Variants in CASD1 observed in about 807,000 individuals in gnomAD.
CASD1 encodes the protein N-acetylneuraminate (7)9-O-acetyltransferase.
Under a neutral mutation model 100.0 loss-of-function variants are expected in CASD1, and 41 were observed. The ratio of observed to expected loss-of-function variants is 0.41; its 90% CI spans 0.32 to 0.53. The LOEUF is 0.53. Ranked by LOEUF, CASD1 falls within the 20% of genes least tolerant of loss-of-function variation. The pLI is 0.25. For missense variants in CASD1, 774 were observed against 948.7 expected (o/e 0.82, Z 2.42); for synonymous variants, 321 against 315.6 (o/e 1.02, Z -0.18).
the CASD1 span, among the ~76,000 whole-genome samples, chr7:94,581,222 A>G: frequency 2.6e-5 from 4 of 152,204 alleles, no homozygotes; most frequent in Non-Finnish European, 5.9e-5. Context: ...ACATATCGTC[A>G]AGTCTCTTCC....
chr7:94,510,048 C>G lies in CASD1; in HGVS notation c.-37C>G. 1 of 1,474,956 alleles carries G rather than the reference C, an allele frequency of 6.8e-7. No individual in the cohort carries two copies. The highest frequency in any genetic ancestry group is 9.0e-7 in the Non-Finnish European group (1 of 1,105,108). 91.4% of individuals were successfully genotyped at this position (1,474,956 alleles called of 1,614,324 possible). On this transcript the variant is annotated 5_prime_UTR_variant, in exon 1 of 18. Transcript: ENST00000297273. ...GCTGCCCCTGTGCGGCGCCCCTTTC[C>G]CGCTCCGCCGCGCACTGTTGTCATG...
chr7:94,577,194 C>G, the CASD1 span, among the ~76,000 whole-genome samples: 1 of 152,106 alleles, frequency 6.6e-6, no homozygotes, highest in Non-Finnish European at 1.5e-5. Flanking sequence ...ATGGACCATG[C>G]TTTCTTGATT....
Position 94,510,050 on chromosome 7 carries a change from G to A in CASD1, c.-35G>A. 3 of 1,473,714 alleles carry A rather than the reference G, an allele frequency of 2.0e-6. No homozygotes were observed. The highest frequency in any genetic ancestry group is 1.3e-5 in the South Asian group (1 of 76,154). 91.3% of individuals were successfully genotyped at this position (1,473,714 alleles called of 1,614,324 possible). The stretch of plus-strand genomic sequence containing the variant: ...TGCCCCTGTGCGGCGCCCCTTTCCC[G>A]CTCCGCCGCGCACTGTTGTCATGGA... On this transcript the variant is annotated 5_prime_UTR_variant, in exon 1 of 18. Transcript: ENST00000297273.
At chr7:94,514,531 G>A (rs1457212859) in intron 1 of CASD1, among the ~76,000 whole-genome samples, 1 of 151,780 alleles carries the variant, frequency 6.6e-6, no homozygotes, top group Non-Finnish European at 1.5e-5. Context: ...CATAAGTTGG[G>A]GTTTATATGG....
At chr7:94,594,227 T>C in the CASD1 span, among the ~76,000 whole-genome samples, 1 of 152,140 alleles carries the variant, frequency 6.6e-6, no homozygotes, top group African/African-American at 2.4e-5. Context: ...ACAATGATTC[T>C]TTGGGCAAAG....
At position 94,547,123 on chromosome 7, in the gene CASD1, T is replaced by C; in HGVS notation, c.1661T>C (p.Leu554Pro). 1 of 1,594,744 alleles carries C rather than the reference T, an allele frequency of 6.3e-7. No homozygotes were observed. Among genetic ancestry groups the C allele is most frequent in the Non-Finnish European group, 8.5e-7 (1 of 1,170,050 alleles). Residue 554 changes from leucine (L) to proline (P), a missense_variant, in exon 13 of 18, where the codon CTG becomes CCG. Leu to Pro is a moderately conservative substitution (Grantham distance 98). This residue lies in a region of CASD1 where 453 missense variants were observed against 532.6 expected (regional missense o/e 0.85). Coordinates refer to ENST00000297273, the MANE Select transcript of CASD1 (RefSeq NM_022900.5). ...AATTGTTTCTGGCATTTTGGCTTAC[T>C]GTTGAAACTAGGCTTTTTGCTGTTA... ...NGNCFWHFGL[L>P]LKLGFLLLFI...
chr7:94,518,567 A>C (rs996800229), intron 3 of CASD1, among the ~76,000 whole-genome samples: 1 of 152,162 alleles, frequency 6.6e-6, no homozygotes, highest in Non-Finnish European at 1.5e-5. Flanking sequence ...AGAAATAATA[A>C]ATTCTTACCA....
intron 13 of CASD1, among the ~76,000 whole-genome samples, chr7:94,547,678 A>G (rs1795747011): frequency 6.6e-6 from 1 of 151,426 alleles, no homozygotes; most frequent in Non-Finnish European, 1.5e-5. Flanking sequence ...CTAACCTTGT[A>G]TTTTTCTATT....
At chr7:94,623,319 A>C in the CASD1 span, 5 of 1,540,754 alleles carry the variant, frequency 3.2e-6, no homozygotes, top group Admixed American at 3.4e-5. Context: ...ATATTTTCAT[A>C]CCTACCTTCT....
chr7:94,611,607 C>T, the CASD1 span, among the ~76,000 whole-genome samples: 2 of 151,886 alleles, frequency 1.3e-5, no homozygotes, highest in African/African-American at 4.8e-5. Context: ...CTAAAAGTCA[C>T]GATTTAAAAT....
At chr7:94,591,286 A>G in the CASD1 span, among the ~76,000 whole-genome samples, 1 of 152,182 alleles carries the variant, frequency 6.6e-6, no homozygotes, top group South Asian at 2.1e-4. Context: ...GGCATCTCAC[A>G]CAGGGTGGGA....
chr7:94,628,252 G>C, the CASD1 span: 1 of 1,611,746 alleles, frequency 6.2e-7, no homozygotes, highest in Non-Finnish European at 8.5e-7. Context: ...GACCCATATA[G>C]GACTCCATCA....
At chr7:94,527,279 G>A in intron 4 of CASD1, 73 bp downstream of exon 4, 1 of 1,078,414 alleles carries the variant, frequency 9.3e-7, no homozygotes, top group Non-Finnish European at 1.4e-6. Context: ...AACATACTAA[G>A]TATATTTCAA....
At chr7:94,591,847 A>G in the CASD1 span, among the ~76,000 whole-genome samples, 1 of 152,228 alleles carries the variant, frequency 6.6e-6, no homozygotes, top group Admixed American at 6.5e-5. Context: ...AATTCGGAGA[A>G]GATGCATAAG....
chr7:94,624,443 T>C, the CASD1 span: 2 of 380,946 alleles, frequency 5.3e-6, no homozygotes, highest in African/African-American at 4.1e-5. Context: ...AAAAGGTATA[T>C]ATTTTGAAAG....
chr7:94,517,167 G>A (rs1041935295), intron 1 of CASD1, among the ~76,000 whole-genome samples: 1 of 152,136 alleles, frequency 6.6e-6, no homozygotes, highest in Non-Finnish European at 1.5e-5. Flanking sequence ...GCCTCCCAAA[G>A]TGCTGGGATT....
At chr7:94,511,047 T>C (rs966683124) in intron 1 of CASD1, among the ~76,000 whole-genome samples, 1 of 152,242 alleles carries the variant, frequency 6.6e-6, no homozygotes, top group Non-Finnish European at 1.5e-5. Flanking sequence ...GAATGAATTA[T>C]CTTTCAGTAA....
At chr7:94,603,353 A>G in the CASD1 span, 1 of 1,612,786 alleles carries the variant, frequency 6.2e-7, no homozygotes, top group Non-Finnish European at 8.5e-7. Flanking sequence ...ATGTTATTAC[A>G]GGCTCCATTT....
chr7:94,624,408 T>C, the CASD1 span: 1 of 392,202 alleles, frequency 2.5e-6, no homozygotes, highest in Non-Finnish European at 4.5e-6. Context: ...TTGAAATAAA[T>C]AATTTTAAAC....
Sources: allele counts gnomAD v4.1 joint callset (sites outside exome capture counted in the v4.1 genomes callset), GRCh38; gene constraint gnomAD v4.1.1; regional missense constraint gnomAD v4.1.1; transcripts MANE v1.5; gene names NCBI Gene and HGNC (gene_info 2026-07-23, HGNC 2026-07-21).